NTM: variants seen among roughly 807,000 people sequenced by gnomAD.
NTM encodes neurotrimin.
Under a neutral mutation model 42.1 loss-of-function variants are expected in NTM, and 13 were observed. That is an observed-to-expected ratio of 0.31 (90% CI 0.20 to 0.49). The LOEUF is 0.49. Ranked by LOEUF, NTM falls within the 20% of genes least tolerant of loss-of-function variation. The pLI, the probability that NTM is intolerant of heterozygous loss-of-function variation, is 0.99. For synonymous variants in NTM, 187 were observed against 179.2 expected (o/e 1.04, Z -0.35); for missense variants, 373 against 452.8 (o/e 0.82, Z 1.60).
intron 2 of NTM, among the ~76,000 whole-genome samples, chr11:131,930,911 C>T (rs1218569382): frequency 6.6e-6 from 1 of 152,176 alleles, no homozygotes; most frequent in Non-Finnish European, 1.5e-5. Flanking sequence ...AGGTAATTAA[C>T]TGGTCTACAA....
At chr11:131,392,688 C>T (rs569567275) in intron 1 of NTM, among the ~76,000 whole-genome samples, 141 of 152,306 alleles carry the variant, frequency 9.3e-4, no homozygotes, top group African/African-American at 1.5e-3. Flanking sequence ...CCAGTCTGGA[C>T]GCCTGTTGCC....
At chr11:132,103,691 G>A (rs2061913188) in intron 2 of NTM, among the ~76,000 whole-genome samples, 1 of 152,196 alleles carries the variant, frequency 6.6e-6, no homozygotes, top group Non-Finnish European at 1.5e-5. Context: ...AAGGTAGTGT[G>A]CATATTTTGC....
chr11:132,146,837 GT>G lies in NTM; in HGVS notation c.400+327del. 2.9e-6 allele frequency: 1 copy of G among 340,542 alleles called. No individual in the cohort carries two copies. Among genetic ancestry groups the G allele is most frequent in the East Asian group, 5.7e-5 (1 of 17,590 alleles). 21.1% of individuals were successfully genotyped at this position (340,542 alleles called of 1,614,324 possible). ...GTTTGTTTGTTTTTTGTTTTGTTTT[GT>G]TTTGTTTTTTAGATTTCATCCAATT... is the stretch of plus-strand genomic sequence containing the variant. On this transcript the variant is annotated intron_variant, in intron 3 of 8. Transcript: ENST00000683400. The surrounding 1 kb of genome is among the most constrained non-coding windows in gnomAD (Gnocchi z 4.5).
intron 1 of NTM, among the ~76,000 whole-genome samples, chr11:131,439,083 C>A (rs112456034): frequency 1.1e-4 from 16 of 152,312 alleles, no homozygotes; most frequent in African/African-American, 3.8e-4. Flanking sequence ...GAGGTCCACT[C>A]CAGACCCTCT....
At chr11:131,579,349 A>T (rs1357643967) in intron 1 of NTM, among the ~76,000 whole-genome samples, 1 of 152,224 alleles carries the variant, frequency 6.6e-6, no homozygotes, top group African/African-American at 2.4e-5. Context: ...CCCACAAGTT[A>T]CAAGAGTGAG....
chr11:131,706,355 G>C (rs2076590856), intron 1 of NTM, among the ~76,000 whole-genome samples: 1 of 151,764 alleles, frequency 6.6e-6, no homozygotes, highest in African/African-American at 2.4e-5. Context: ...AAAACAAAAA[G>C]GAGAAATAGA....
rs778310901 is a variant in NTM, at chr11:132,200,984, A to G, written c.401-11038A>G. The stretch of plus-strand genomic sequence containing the variant: ...CCAGGGTAGAGTAATGGCACAGACT[A>G]TTATAGCAAAATGTTTTTTCTCTCT... On this transcript the variant is annotated intron_variant, in intron 3 of 8. Coordinates refer to ENST00000683400, the MANE Select transcript of NTM (RefSeq NM_001352005.2). 5.9e-5 allele frequency among the ~76,000 whole-genome samples: 9 copies of G among 152,352 alleles called. No individual in the cohort carries two copies. In the South Asian group the frequency reaches 8.3e-4, roughly 14 times the overall value.
At chr11:132,173,920 A>C (rs747515008) in intron 3 of NTM, among the ~76,000 whole-genome samples, 1 of 152,232 alleles carries the variant, frequency 6.6e-6, no homozygotes, top group Non-Finnish European at 1.5e-5. Flanking sequence ...CACTTTCTTA[A>C]AAATGTGAAA....
chr11:131,991,612 C>T (rs1419702536), intron 2 of NTM, among the ~76,000 whole-genome samples: 1 of 152,156 alleles, frequency 6.6e-6, no homozygotes, highest in Non-Finnish European at 1.5e-5. Context: ...CAAGTATAAA[C>T]ATTTTATGTA....
At chr11:131,614,121 G>T (rs901539847) in intron 1 of NTM, among the ~76,000 whole-genome samples, 2 of 152,192 alleles carry the variant, frequency 1.3e-5, no homozygotes, top group African/African-American at 4.8e-5. Flanking sequence ...GGGGCGATGG[G>T]CTACCGACAG....
At position 132,103,552 on chromosome 11, in the gene NTM, G is replaced by C. The variant is rs996798035; in HGVS notation, c.168-42730G>C. On this transcript the variant is annotated intron_variant, in intron 2 of 8. Coordinates refer to ENST00000683400, the MANE Select transcript of NTM (RefSeq NM_001352005.2). Reference sequence around the variant, plus strand: ...AGTGAGCTTCAGGTTATATTGTTACGTTGTTGCTAATTCAGTTACATATGG... The same window carrying C: ...AGTGAGCTTCAGGTTATATTGTTACCTTGTTGCTAATTCAGTTACATATGG... 7.0e-4 allele frequency among the ~76,000 whole-genome samples: 107 copies of C among 152,280 alleles called. 1 individual carries two copies. Among genetic ancestry groups the C allele is most frequent in the African/African-American group, 2.4e-3 (99 of 41,544 alleles).
In NTM at chr11:132,161,679, T is replaced by C. The variant is rs571879378; in HGVS notation, c.400+15165T>C. ...CCTGGCGCCCCCTTGCCAGTTGCCA[T>C]CCCTCTGTTTCACCCAGTGTCCGCT... is the stretch of plus-strand genomic sequence containing the variant. On this transcript the variant is annotated intron_variant, in intron 3 of 8. Coordinates refer to ENST00000683400, the MANE Select transcript of NTM (RefSeq NM_001352005.2). 2.0e-5 allele frequency among the ~76,000 whole-genome samples: 3 copies of C among 152,016 alleles called. No individual in the cohort carries two copies. In the South Asian group the frequency reaches 6.2e-4, roughly 32 times the overall value.
At chr11:131,576,614 G>A (rs1228280714) in intron 1 of NTM, among the ~76,000 whole-genome samples, 1 of 152,138 alleles carries the variant, frequency 6.6e-6, no homozygotes, top group East Asian at 1.9e-4. Context: ...ATAAGAAAAT[G>A]CCTAACTCAA....
At chr11:131,865,756 T>C (rs1229014602) in intron 1 of NTM, among the ~76,000 whole-genome samples, 1 of 139,242 alleles carries the variant, frequency 7.2e-6, no homozygotes, top group Admixed American at 7.3e-5. Context: ...ACACACAAGC[T>C]ACACACACAT....
chr11:131,424,600 C>CT (rs769740331), intron 1 of NTM, among the ~76,000 whole-genome samples: 2,113 of 56,034 alleles, frequency 0.038, 302 homozygotes, highest in African/African-American at 0.13. Context: ...CTTTTCTTTT[C>CT]TTTTTTTTTT....
chr11:132,092,487 C>T (rs548675662), intron 2 of NTM, among the ~76,000 whole-genome samples: 1 of 152,240 alleles, frequency 6.6e-6, no homozygotes, highest in East Asian at 1.9e-4. Flanking sequence ...ACCTTAGTTC[C>T]CGGATTCTCT....
chr11:132,196,632 C>A (rs952011088), intron 3 of NTM, among the ~76,000 whole-genome samples: 1 of 152,172 alleles, frequency 6.6e-6, no homozygotes, highest in Non-Finnish European at 1.5e-5. Context: ...AAATCATGTT[C>A]TTTCCAGTAG....
intron 3 of NTM, among the ~76,000 whole-genome samples, chr11:132,208,401 C>T (rs1056871057): frequency 6.6e-6 from 1 of 152,232 alleles, no homozygotes. Flanking sequence ...GTCTTTCTCA[C>T]TCACCCAAGG....
chr11:132,175,374 C>G (rs1048806297), intron 3 of NTM, among the ~76,000 whole-genome samples: 1 of 152,010 alleles, frequency 6.6e-6, no homozygotes, highest in South Asian at 2.1e-4. Context: ...TGCACCAGCT[C>G]CATAAGCATT....
Sources: allele counts gnomAD v4.1 joint callset (sites outside exome capture counted in the v4.1 genomes callset), GRCh38; gene constraint gnomAD v4.1.1; non-coding constraint Gnocchi (gnomAD v3.1); transcripts MANE v1.5; gene names NCBI Gene and HGNC (gene_info 2026-07-23, HGNC 2026-07-21).